The following PCDH15 variants were observed in gnomAD, a reference collection of about 807,000 sequenced individuals.
PCDH15 encodes protocadherin related 15, also known as protocadherin-15.
PCDH15 carries 129 observed loss-of-function variants against 178.5 expected under a neutral mutation model. The ratio of observed to expected loss-of-function variants is 0.72; its 90% CI spans 0.63 to 0.84. The LOEUF is 0.84. PCDH15 is among the 40% of genes least tolerant of loss of function. The pLI is 0.00. For synonymous variants in PCDH15, 800 were observed against 732.0 expected, an observed-to-expected ratio of 1.09 and a Z score of -1.50; for missense variants, 2,230 against 2,099.9, an observed-to-expected ratio of 1.06 and a Z score of -1.21.
chr10:54,835,063 C>T (rs1302456429), intron 3 of PCDH15, among the ~76,000 whole-genome samples: 4 of 152,086 alleles, frequency 2.6e-5, no homozygotes, highest in Non-Finnish European at 5.9e-5. Context: ...GTAGTGAAAA[C>T]CTATACTGAT....
intron 2 of PCDH15, among the ~76,000 whole-genome samples, chr10:55,327,158 A>G (rs1032169478): frequency 3.3e-5 from 5 of 152,124 alleles, no homozygotes; most frequent in Non-Finnish European, 5.9e-5. Context: ...CCCATAAACG[A>G]GACCCCAGCA....
chr10:55,200,688 C>T (rs554020074), intron 1 of PCDH15, among the ~76,000 whole-genome samples: 3 of 152,136 alleles, frequency 2.0e-5, no homozygotes, highest in African/African-American at 4.8e-5. Context: ...AAATTTCTAG[C>T]GTTGAAGGAA....
At chr10:53,993,942 A>G (rs1335831489) in intron 21 of PCDH15, among the ~76,000 whole-genome samples, 1 of 152,368 alleles carries the variant, frequency 6.6e-6, no homozygotes, top group East Asian at 1.9e-4. Flanking sequence ...TGAAAGGCCA[A>G]TATCAATTAT....
At chr10:54,557,850 G>A (rs1196020236) in intron 2 of PCDH15, among the ~76,000 whole-genome samples, 1 of 151,988 alleles carries the variant, frequency 6.6e-6, no homozygotes, top group East Asian at 1.9e-4. Context: ...TTTTTGGTTT[G>A]GTCATGGGTT....
chr10:54,805,308 G>A (rs994371523), upstream of PCDH15, among the ~76,000 whole-genome samples: 2 of 152,004 alleles, frequency 1.3e-5, no homozygotes, highest in African/African-American at 4.8e-5. Flanking sequence ...GGCCTCTGCA[G>A]TATTATCAAA....
At chr10:55,294,820 C>T (rs1197624745) in intron 1 of PCDH15, among the ~76,000 whole-genome samples, 2 of 152,086 alleles carry the variant, frequency 1.3e-5, no homozygotes, top group African/African-American at 4.8e-5. Context: ...GTCAATTCTG[C>T]ATTTGAGTAA....
intron 8 of PCDH15, among the ~76,000 whole-genome samples, chr10:54,247,121 A>G (rs1564782052): frequency 6.6e-6 from 1 of 151,906 alleles, no homozygotes; most frequent in African/African-American, 2.4e-5. Flanking sequence ...GTCAAAGAAA[A>G]GTTTCTAATT....
intron 1 of PCDH15, among the ~76,000 whole-genome samples, chr10:54,726,901 T>G (rs1301509430): frequency 2.0e-5 from 3 of 150,634 alleles, no homozygotes; most frequent in Non-Finnish European, 4.4e-5. Context: ...CTGAGAAATA[T>G]GGGATTATGT....
intron 9 of PCDH15, among the ~76,000 whole-genome samples, chr10:54,232,146 G>T (rs2054140994): frequency 6.6e-6 from 1 of 152,160 alleles, no homozygotes; most frequent in Non-Finnish European, 1.5e-5. Flanking sequence ...TAGGAGGAGG[G>T]ACCTGGTAGG....
At chr10:54,212,071 A>G (rs2051498713) in intron 10 of PCDH15, among the ~76,000 whole-genome samples, 1 of 152,100 alleles carries the variant, frequency 6.6e-6, no homozygotes. Context: ...GTACACCAGG[A>G]CAGCTGAATT....
intron 2 of PCDH15, among the ~76,000 whole-genome samples, chr10:55,135,586 T>A (rs1838172339): frequency 7.4e-6 from 1 of 134,570 alleles, no homozygotes; most frequent in South Asian, 2.6e-4. Context: ...TTTTTTTTTT[T>A]TTTTTTTTTT....
intron 3 of PCDH15, among the ~76,000 whole-genome samples, chr10:54,853,420 C>G (rs573614709): frequency 7.0e-6 from 1 of 142,198 alleles, no homozygotes; most frequent in South Asian, 2.2e-4. Flanking sequence ...TATACACATA[C>G]ATATATATAT....
At chr10:55,174,304 G>C (rs1839419977) in intron 1 of PCDH15, among the ~76,000 whole-genome samples, 1 of 152,122 alleles carries the variant, frequency 6.6e-6, no homozygotes, top group Non-Finnish European at 1.5e-5. Flanking sequence ...TGAAGGCAAG[G>C]ACAATTTAAA....
At position 54,105,115 on chromosome 10, in the gene PCDH15, A is replaced by T. The variant is rs574975306; in HGVS notation, c.1918-15052T>A. 2.7e-5 allele frequency among the ~76,000 whole-genome samples: 4 copies of T among 150,916 alleles called. No homozygotes were observed. The East Asian group carries it at 7.9e-4, about 30-fold the overall frequency. On this transcript the variant is annotated intron_variant, in intron 15 of 37. Coordinates refer to ENST00000644397, the MANE Select transcript of PCDH15 (RefSeq NM_001384140.1). ...TAGCATTTTTTGATCTAATCATATT[A>T]AACAGCCAACTCCAGAAACCCCAAA...
At chr10:54,788,455 C>T (rs925748407) in intron 1 of PCDH15, among the ~76,000 whole-genome samples, 1 of 151,570 alleles carries the variant, frequency 6.6e-6, no homozygotes, top group East Asian at 1.9e-4. Context: ...TAGCTGCCAT[C>T]TATAGACAGA....
At chr10:54,505,541 C>G (rs941959512) in intron 3 of PCDH15, among the ~76,000 whole-genome samples, 1 of 151,692 alleles carries the variant, frequency 6.6e-6, no homozygotes, top group Admixed American at 6.6e-5. Context: ...CAAATTAACA[C>G]AAGAAAATAA....
intron 20 of PCDH15, among the ~76,000 whole-genome samples, chr10:54,001,027 T>C (rs994284516): frequency 8.1e-5 from 12 of 147,976 alleles, no homozygotes; most frequent in African/African-American, 3.0e-4. Flanking sequence ...CAAGAGAGAG[T>C]GGCATGTCAT....
At chr10:54,134,627 C>T (rs1393322414) in intron 14 of PCDH15, among the ~76,000 whole-genome samples, 1 of 151,598 alleles carries the variant, frequency 6.6e-6, no homozygotes, top group African/African-American at 2.4e-5. Flanking sequence ...GTTGCGGGCG[C>T]CTGGGGTCCC....
intron 2 of PCDH15, among the ~76,000 whole-genome samples, chr10:54,557,771 A>T (rs2087496049): frequency 6.6e-6 from 1 of 152,254 alleles, no homozygotes; most frequent in African/African-American, 2.4e-5. Flanking sequence ...TTAAGAAAAT[A>T]TGGGAAATTT....
Sources: allele counts gnomAD v4.1 joint callset (sites outside exome capture counted in the v4.1 genomes callset), GRCh38; gene constraint gnomAD v4.1.1; transcripts MANE v1.5; gene names NCBI Gene and HGNC (gene_info 2026-07-23, HGNC 2026-07-21).